KIAA0586: variants seen among roughly 807,000 people sequenced by gnomAD.
KIAA0586 encodes the protein KIAA0586, also known as protein TALPID3.
A neutral mutation model predicts 169.8 loss-of-function variants in KIAA0586; 144 were observed. The observed-to-expected ratio is 0.85, with a 90% CI of 0.74 to 0.97. KIAA0586 has a LOEUF of 0.97. KIAA0586 is among the 50% of genes least tolerant of loss of function. The probability of loss-of-function intolerance (pLI) is 0.00; values close to 1 mark genes in which losing one functional copy is unlikely to be tolerated. For synonymous variants in KIAA0586, 625 were observed against 612.4 expected (o/e 1.02, Z -0.30); for missense variants, 1,854 against 1,823.0 (o/e 1.02, Z -0.31).
chr14:58,448,422 C>A lies in KIAA0586; in HGVS notation c.890C>A (p.Ser297Tyr), dbSNP rs766057344. 1 of 1,611,570 alleles carries A rather than the reference C, an allele frequency of 6.2e-7. No individual in the cohort carries two copies. Among genetic ancestry groups the A allele is most frequent in the Non-Finnish European group, 8.5e-7 (1 of 1,177,912 alleles). ...MPSSRAVEKY[S>Y]VKPEHPNLGS... ...TCCTCCAGAGCAGTGGAAAAGTATT[C>A]CGTAAAACCAGAACACCCTAATCTT... Residue 297 changes from serine to tyrosine, a missense_variant, in exon 7 of 31, where the codon TCC (serine) becomes TAC (tyrosine). Transcript: ENST00000652326.
At chr14:58,467,355 G>A (rs1332242393) in intron 15 of KIAA0586, among the ~76,000 whole-genome samples, 1 of 152,190 alleles carries the variant, frequency 6.6e-6, no homozygotes, top group African/African-American at 2.4e-5. Flanking sequence ...CCAGGCAGAG[G>A]CAGTCTGGCT....
In KIAA0586 at chr14:58,550,475, C is replaced by G. The variant is rs920432165; in HGVS notation, c.*2543C>G. ...TATTTTATATTAAATTTTACAATTT[C>G]CAACTTCCGGAATAAACTATTTATG... On this transcript the variant is annotated 3_prime_UTR_variant, in exon 31 of 31. Coordinates refer to ENST00000652326, the MANE Select transcript of KIAA0586 (RefSeq NM_001329943.3). 1.3e-5 allele frequency: 2 copies of G among 151,960 alleles called. No homozygotes were observed. The highest frequency in any genetic ancestry group is 1.3e-4 in the Admixed American group (2 of 15,238). The allele number at this position is 151,960 out of a possible 1,614,324, so 9.4% of individuals were successfully genotyped here. A position where few individuals can be genotyped will look rare whatever the true frequency, so the allele number is the denominator to read the frequency against.
chr14:58,515,471 T>A (rs1334605863), intron 29 of KIAA0586, among the ~76,000 whole-genome samples: 1 of 152,142 alleles, frequency 6.6e-6, no homozygotes, highest in Non-Finnish European at 1.5e-5. Flanking sequence ...TAGAAGCTAA[T>A]TTTGACCACG....
chr14:58,540,996 G>A (rs1474185653), intron 30 of KIAA0586, among the ~76,000 whole-genome samples: 1 of 152,194 alleles, frequency 6.6e-6, no homozygotes, highest in African/African-American at 2.4e-5. Context: ...GAGCAAGAGT[G>A]GATGAGTCCA....
At chr14:58,446,436 G>A (rs1189470611) in intron 6 of KIAA0586, among the ~76,000 whole-genome samples, 2 of 151,978 alleles carry the variant, frequency 1.3e-5, no homozygotes, top group Non-Finnish European at 2.9e-5. Context: ...GGCAGAGGTT[G>A]CAGTGAGTTG....
At chr14:58,510,051 A>G (rs936965792) in intron 28 of KIAA0586, among the ~76,000 whole-genome samples, 1 of 152,212 alleles carries the variant, frequency 6.6e-6, no homozygotes, top group African/African-American at 2.4e-5. Context: ...CCCAGAGAAG[A>G]TAATATAAAT....
intron 29 of KIAA0586, among the ~76,000 whole-genome samples, chr14:58,531,188 A>G (rs1220488964): frequency 6.6e-6 from 1 of 151,422 alleles, no homozygotes; most frequent in East Asian, 1.9e-4. Flanking sequence ...TTAGCCGGGC[A>G]TGGTGGTGGG....
At chr14:58,488,152 A>T (rs1566884815) in intron 23 of KIAA0586, 43 bp downstream of exon 23, 2 of 1,403,960 alleles carry the variant, frequency 1.4e-6, no homozygotes, top group Non-Finnish European at 2.0e-6. Context: ...ATTTCAACTT[A>T]TGTTTGACTT....
intron 29 of KIAA0586, chr14:58,539,839 G>T: frequency 6.1e-6 from 2 of 328,550 alleles, no homozygotes; most frequent in Non-Finnish European, 1.1e-5. Flanking sequence ...CCCCATCTGT[G>T]ATGCATAAAG....
Position 58,457,810 on chromosome 14 carries a change from G to A in KIAA0586, c.1414G>A (p.Val472Ile), listed in dbSNP as rs779792778. The A allele has an allele frequency of 2.5e-5, 41 of 1,607,856 alleles. No homozygotes were observed. The highest frequency in any genetic ancestry group is 4.0e-5 in the African/African-American group (3 of 74,820). Reference protein sequence around the residue: ...LKLPDLPQNSVKLQTTNTTRS... With the variant: ...LKLPDLPQNSIKLQTTNTTRS... ...GCTTCCAGATCTTCCACAGAATTCT[G>A]TTAAGCTTCAAACAACCAATACAAC... The change falls in exon 11 of 31, where the codon GTT becomes ATT. Residue 472 changes from valine to isoleucine, a missense_variant. Val to Ile is a conservative substitution (Grantham distance 29). Coordinates refer to ENST00000652326, the MANE Select transcript of KIAA0586 (RefSeq NM_001329943.3).
At chr14:58,499,210 A>G (rs771608796) in intron 27 of KIAA0586, among the ~76,000 whole-genome samples, 1 of 152,184 alleles carries the variant, frequency 6.6e-6, no homozygotes, top group Non-Finnish European at 1.5e-5. Flanking sequence ...ATACACATAC[A>G]TACACTTAAA....
intron 28 of KIAA0586, among the ~76,000 whole-genome samples, chr14:58,511,779 G>A (rs1414304683): frequency 6.6e-6 from 1 of 152,102 alleles, no homozygotes; most frequent in African/African-American, 2.4e-5. Flanking sequence ...GTGTCCATGT[G>A]GACAGATGTT....
chr14:58,428,031 T>G lies in KIAA0586; in HGVS notation c.-234T>G, dbSNP rs2036988151. The G allele has an allele frequency of 2.1e-6, 3 of 1,430,306 alleles. No homozygotes were observed. The highest frequency in any genetic ancestry group is 1.8e-6 in the Non-Finnish European group (2 of 1,099,516). The allele number at this position is 1,430,306 out of a possible 1,614,324, so 88.6% of individuals were successfully genotyped here. A position where few individuals can be genotyped will look rare whatever the true frequency, so the allele number is the denominator to read the frequency against. ...GTGGCCATTCTCTTGTCATCCCCACTTTCACATTTTGGCGTGGTGTATTAA... is the reference window on the plus strand; with the variant it reads ...GTGGCCATTCTCTTGTCATCCCCACGTTCACATTTTGGCGTGGTGTATTAA... On this transcript the variant is annotated 5_prime_UTR_variant, in exon 1 of 31. Coordinates refer to ENST00000652326, the MANE Select transcript of KIAA0586 (RefSeq NM_001329943.3).
At chr14:58,459,768 A>G (rs2040175739) in intron 12 of KIAA0586, 75 bp from the exon 13 acceptor site, 2 of 838,362 alleles carry the variant, frequency 2.4e-6, no homozygotes, top group South Asian at 2.0e-5. Context: ...CAAAAAATAA[A>G]TTCTAATACT....
intron 17 of KIAA0586, 54 bp from the exon 18 acceptor site, chr14:58,472,145 A>G: frequency 1.1e-6 from 1 of 879,982 alleles, no homozygotes; most frequent in Non-Finnish European, 1.7e-6. Flanking sequence ...TAAATTACTT[A>G]TAAATTTTAA....
chr14:58,450,399 A>G (rs765137336), intron 7 of KIAA0586, among the ~76,000 whole-genome samples, 180 bp from the exon 8 acceptor site: 2 of 152,148 alleles, frequency 1.3e-5, no homozygotes, highest in Non-Finnish European at 2.9e-5. Flanking sequence ...TAAGTGTACA[A>G]TGTTTGTAGT....
intron 20 of KIAA0586, among the ~76,000 whole-genome samples, chr14:58,479,498 T>G (rs1010356256): frequency 4.6e-5 from 7 of 152,212 alleles, no homozygotes; most frequent in African/African-American, 1.7e-4. Context: ...CATTATTTTT[T>G]GAAGACAAAA....
Position 58,470,735 on chromosome 14 carries a change from A to AC in KIAA0586, c.2553+12_2553+13insC. On this transcript the variant is annotated intron_variant, in intron 17 of 30. Transcript: ENST00000652326. ...AAACTTGGATAAAGGTATATTTCAG[A>AC]ATTTTATCATATTATTTTGAGTAAT... 7.6e-7 allele frequency: 1 copy of AC among 1,318,154 alleles called. No individual in the cohort carries two copies. Among genetic ancestry groups the AC allele is most frequent in the Non-Finnish European group, 1.1e-6 (1 of 912,434 alleles). 81.7% of individuals were successfully genotyped at this position (1,318,154 alleles called of 1,614,324 possible). A position where few individuals can be genotyped will look rare whatever the true frequency, so the allele number is the denominator to read the frequency against.
At chr14:58,521,547 G>A (rs564606367) in intron 29 of KIAA0586, 24 of 843,874 alleles carry the variant, frequency 2.8e-5, no homozygotes, top group African/African-American at 1.3e-4. Context: ...TAGTGCCCTC[G>A]AAATGTCAGC....
Sources: allele counts gnomAD v4.1 joint callset (sites outside exome capture counted in the v4.1 genomes callset), GRCh38; gene constraint gnomAD v4.1.1; transcripts MANE v1.5; gene names NCBI Gene and HGNC (gene_info 2026-07-23, HGNC 2026-07-21).